Variants in KMT2A observed in about 807,000 individuals in gnomAD.
KMT2A encodes the protein histone-lysine N-methyltransferase 2A.
In KMT2A, 16 loss-of-function variants were observed where a neutral mutation model predicts 345.3. That is an observed-to-expected ratio of 0.05 (90% CI 0.03 to 0.07). KMT2A has a LOEUF of 0.07. Among genes scored for constraint, KMT2A ranks in the 10% least tolerant of loss-of-function variants. KMT2A has a pLI of 1.00. For synonymous variants in KMT2A, 1,599 were observed against 1,778.6 expected (o/e 0.90, Z 2.54); for missense variants, 3,272 against 4,841.6 (o/e 0.68, Z 9.62).
intron 11 of KMT2A, 33 bp downstream of exon 11, chr11:118,488,793 C>T: frequency 6.2e-7 from 1 of 1,607,244 alleles, no homozygotes; most frequent in East Asian, 2.2e-5. Flanking sequence ...TACAGCTGGG[C>T]CTCTGTATCA....
chr11:118,509,121 T>G lies in KMT2A; in HGVS notation c.10836-15T>G. 1 of 1,611,696 alleles carries G rather than the reference T, an allele frequency of 6.2e-7. No homozygotes were observed. Among genetic ancestry groups the G allele is most frequent in the Non-Finnish European group, 8.5e-7 (1 of 1,178,094 alleles). On this transcript the variant is annotated splice_polypyrimidine_tract_variant and intron_variant, in intron 28 of 35. Transcript: ENST00000534358. Reference sequence around the variant, plus strand: ...AACTAGCTGATATTATATCTTACATTTGGTTTTTATTTAGGCAAGTCGCTG... The same window carrying G: ...AACTAGCTGATATTATATCTTACATGTGGTTTTTATTTAGGCAAGTCGCTG...
chr11:118,442,301 C>G (rs1555026047), intron 1 of KMT2A, among the ~76,000 whole-genome samples: 1 of 152,134 alleles, frequency 6.6e-6, no homozygotes, highest in African/African-American at 2.4e-5. Context: ...GGGATGGGAC[C>G]TTCCTTTGTT....
chr11:118,513,495 C>T (rs2135252103), intron 31 of KMT2A, among the ~76,000 whole-genome samples: 1 of 151,816 alleles, frequency 6.6e-6, no homozygotes, highest in East Asian at 1.9e-4. Context: ...AACATTTGTT[C>T]ATTTTATGTG....
At chr11:118,500,416 C>T (rs530333520) in intron 24 of KMT2A, among the ~76,000 whole-genome samples, 37 of 152,318 alleles carry the variant, frequency 2.4e-4, no homozygotes, top group African/African-American at 8.7e-4. Flanking sequence ...CTACCACTCC[C>T]GCGTTGGAGT....
rs1555046957 is a variant in KMT2A, at chr11:118,503,934, A to G, written c.8042A>G (p.Asp2681Gly). The G allele has an allele frequency of 8.7e-6, 14 of 1,614,066 alleles. No individual in the cohort carries two copies. Among genetic ancestry groups the G allele is most frequent in the Admixed American group, 1.7e-5 (1 of 60,000 alleles). ...GACTTAAGCACTTCAGATGAAGACGACTTATACTATTACAACTTCACTAGA... is the reference window on the plus strand; with the variant it reads ...GACTTAAGCACTTCAGATGAAGACGGCTTATACTATTACAACTTCACTAGA... ...ADDLSTSDED[D>G]LYYYNFTRTV... Residue 2681 changes from aspartate (D) to glycine (G), a missense_variant, in exon 27 of 36, where the codon GAC (aspartate) becomes GGC (glycine). Asp to Gly is a moderately conservative substitution (Grantham distance 94). Around this residue, in one of 27 missense-constraint regions of KMT2A, gnomAD observed 47 missense variants for 53.6 expected, o/e 0.88. Coordinates refer to ENST00000534358, the MANE Select transcript of KMT2A (RefSeq NM_001197104.2). This position sits in a 1 kb window ranked among gnomAD's most constrained non-coding sequence, Gnocchi z 5.3.
At position 118,503,639 on chromosome 11, in the gene KMT2A, T is replaced by A; in HGVS notation, c.7747T>A (p.Cys2583Ser). The A allele has an allele frequency of 6.2e-7, 1 of 1,614,176 alleles. No homozygotes were observed. The highest frequency in any genetic ancestry group is 1.3e-5 in the African/African-American group (1 of 75,038). The change falls in exon 27 of 36, where the codon TGC (cysteine) becomes AGC (serine). Residue 2583 changes from cysteine to serine, a missense_variant. Around this residue, in one of 27 missense-constraint regions of KMT2A, gnomAD observed 445 missense variants for 500.9 expected, o/e 0.89. Transcript: ENST00000534358. The surrounding 1 kb of genome is among the most constrained non-coding windows in gnomAD (Gnocchi z 5.3). ...VAQPSPNNTS[C>S]QDSQSNNYQN... The stretch of plus-strand genomic sequence containing the variant: ...CCAACCAAGCCCCAATAATACCTCA[T>A]GCCAGGATTCTCAAAGTAACAACTA...
rs138256365 is a variant in KMT2A at position 118,496,785 on chromosome 11, CT to C, written c.5664+419del. On this transcript the variant is annotated intron_variant, in intron 20 of 35. Coordinates refer to ENST00000534358, the MANE Select transcript of KMT2A (RefSeq NM_001197104.2). This position sits in a 1 kb window ranked among gnomAD's most constrained non-coding sequence, Gnocchi z 4.7. ...TGCCTGAATACATTTCTGTGCTTAACTGCCTACTTATTGACTTTGGCAAGTA... is the reference window on the plus strand; with the variant it reads ...TGCCTGAATACATTTCTGTGCTTAACGCCTACTTATTGACTTTGGCAAGTA... 8.0e-3 allele frequency among the ~76,000 whole-genome samples: 1,219 copies of C among 152,268 alleles called. 14 individuals are homozygous for C. The highest frequency in any genetic ancestry group is 0.028 in the African/African-American group (1,163 of 41,536).
At chr11:118,463,930 A>G (rs747410771) in intron 1 of KMT2A, among the ~76,000 whole-genome samples, 3 of 152,354 alleles carry the variant, frequency 2.0e-5, no homozygotes, top group East Asian at 1.9e-4. Context: ...TCAGAGCAAC[A>G]TAAGTTCTGC....
intron 1 of KMT2A, among the ~76,000 whole-genome samples, chr11:118,464,391 C>G (rs529772045): frequency 6.6e-6 from 1 of 152,094 alleles, no homozygotes; most frequent in South Asian, 2.1e-4. Flanking sequence ...CAAAAATAAC[C>G]AGGTGTAGTA....
intron 1 of KMT2A, among the ~76,000 whole-genome samples, chr11:118,439,646 A>G (rs1949274798): frequency 6.6e-6 from 1 of 152,270 alleles, no homozygotes; most frequent in African/African-American, 2.4e-5. Context: ...TATAATGTAA[A>G]GCCTGTCAAG....
intron 31 of KMT2A, among the ~76,000 whole-genome samples, chr11:118,513,505 G>A (rs560353951): frequency 2.0e-5 from 3 of 151,966 alleles, no homozygotes; most frequent in African/African-American, 4.8e-5. Flanking sequence ...CATTTTATGT[G>A]ACAGGTACAT....
At position 118,520,232 on chromosome 11, in the gene KMT2A, A is replaced by C. The variant is rs576608575; in HGVS notation, c.11429+168A>C. ...GTAGGTGCCTGGTAAGGAGTGAGGA[A>C]TATAAGGTACAGAGGAGAAATTCAA... On this transcript the variant is annotated intron_variant, in intron 33 of 35. Transcript: ENST00000534358. The surrounding 1 kb of genome is among the most constrained non-coding windows in gnomAD (Gnocchi z 4.3). The C allele has an allele frequency of 5.0e-6, 3 of 602,220 alleles. No individual in the cohort carries two copies. Among genetic ancestry groups the C allele is most frequent in the Non-Finnish European group, 8.8e-6 (3 of 339,350 alleles). 37.3% of individuals were successfully genotyped at this position (602,220 alleles called of 1,614,324 possible).
At position 118,481,635 on chromosome 11, in the gene KMT2A, C is replaced by CAT. The variant is rs2134298634; in HGVS notation, c.3635-77_3635-76dup. The CAT allele has an allele frequency of 4.1e-6, 6 of 1,450,060 alleles. No individual in the cohort carries two copies. In the East Asian group the frequency reaches 1.1e-4, roughly 27 times the overall value. The allele number at this position is 1,450,060 out of a possible 1,614,324, so 89.8% of individuals were successfully genotyped here. ...ATACCTAGCTGTGGGATTGCTGGAT[C>CAT]ATATGGTGGCTCTGTAATTCTATTT... On this transcript the variant is annotated intron_variant, in intron 6 of 35. Transcript: ENST00000534358.
rs1950325893 is a variant in KMT2A at position 118,491,659 on chromosome 11, T to C, written c.4820-85T>C. The C allele has an allele frequency of 9.5e-7, 1 of 1,057,018 alleles. No individual in the cohort carries two copies. Among genetic ancestry groups the C allele is most frequent in the Non-Finnish European group, 1.4e-6 (1 of 728,484 alleles). 65.5% of individuals were successfully genotyped at this position (1,057,018 alleles called of 1,614,324 possible). A position where few individuals can be genotyped will look rare whatever the true frequency, so the allele number is the denominator to read the frequency against. On this transcript the variant is annotated intron_variant, in intron 14 of 35. Transcript: ENST00000534358. This position sits in a 1 kb window ranked among gnomAD's most constrained non-coding sequence, Gnocchi z 4.2. ...ATGTGGTTCCCAACATATGGCTTTA[T>C]AGTAAGTTCAGTGGAATAGTTTCCT... is the stretch of plus-strand genomic sequence containing the variant.
chr11:118,509,118 C>T lies in KMT2A; in HGVS notation c.10836-18C>T, dbSNP rs1555049369. On this transcript the variant is annotated intron_variant, in intron 28 of 35. Coordinates refer to ENST00000534358, the MANE Select transcript of KMT2A (RefSeq NM_001197104.2). ...AAGAACTAGCTGATATTATATCTTACATTTGGTTTTTATTTAGGCAAGTCG... is the reference window on the plus strand; with the variant it reads ...AAGAACTAGCTGATATTATATCTTATATTTGGTTTTTATTTAGGCAAGTCG... 6.2e-7 allele frequency: 1 copy of T among 1,608,986 alleles called. No homozygotes were observed. Among genetic ancestry groups the T allele is most frequent in the South Asian group, 1.1e-5 (1 of 90,870 alleles).
chr11:118,440,625 A>T (rs1332547803), intron 1 of KMT2A, among the ~76,000 whole-genome samples: 2 of 152,166 alleles, frequency 1.3e-5, no homozygotes, highest in African/African-American at 2.4e-5. Flanking sequence ...ATAACATAGC[A>T]AACTTTAATT....
intron 1 of KMT2A, among the ~76,000 whole-genome samples, chr11:118,466,618 C>G (rs1423135731): frequency 1.3e-5 from 2 of 152,044 alleles, no homozygotes; most frequent in African/African-American, 4.8e-5. Context: ...GAGTTCAAGA[C>G]CAGCCTGGCC....
intron 31 of KMT2A, among the ~76,000 whole-genome samples, chr11:118,512,865 C>T (rs1432499776): frequency 1.3e-5 from 2 of 151,070 alleles, no homozygotes; most frequent in African/African-American, 4.9e-5. Context: ...AAGTTGAAAT[C>T]ATTTACCATT....
At chr11:118,488,530 C>A (rs1565291650) in intron 10 of KMT2A, 84 bp from the exon 11 acceptor site, 1 of 1,478,376 alleles carries the variant, frequency 6.8e-7, no homozygotes, top group East Asian at 2.3e-5. Flanking sequence ...TACTAAAACC[C>A]AAAGTATATA....
Sources: allele counts gnomAD v4.1 joint callset (sites outside exome capture counted in the v4.1 genomes callset), GRCh38; gene constraint gnomAD v4.1.1; regional missense constraint gnomAD v4.1.1; non-coding constraint Gnocchi (gnomAD v3.1); transcripts MANE v1.5; gene names NCBI Gene and HGNC (gene_info 2026-07-23, HGNC 2026-07-21).